TMEM19: variants seen among roughly 807,000 people sequenced by gnomAD.
The protein encoded by TMEM19 is transmembrane protein 19.
In TMEM19, 21 loss-of-function variants were observed where a neutral mutation model predicts 33.6. That is an observed-to-expected ratio of 0.62 (90% CI 0.44 to 0.90). The LOEUF (loss-of-function observed/expected upper bound fraction) is 0.90, where lower values mean the gene tolerates loss of function less well. Ranked by LOEUF, TMEM19 falls within the 40% of genes least tolerant of loss-of-function variation. TMEM19 has a pLI of 0.00. For missense variants in TMEM19, 402 were observed against 401.8 expected, an observed-to-expected ratio of 1.00 and a Z score of 0.00; for synonymous variants, 149 against 147.5, an observed-to-expected ratio of 1.01 and a Z score of -0.07.
At chr12:71,693,915 TCC>T (rs2137595144) in intron 2 of TMEM19, among the ~76,000 whole-genome samples, 1 of 152,322 alleles carries the variant, frequency 6.6e-6, no homozygotes, top group South Asian at 2.1e-4. Flanking sequence ...TTGTGAGGCC[TCC>T]CCAGCCATGT....
intron 2 of TMEM19, among the ~76,000 whole-genome samples, chr12:71,694,914 A>C (rs1881844778): frequency 6.6e-6 from 1 of 151,946 alleles, no homozygotes; most frequent in Non-Finnish European, 1.5e-5. Context: ...GTATAACTCT[A>C]CTCCCATTGT....
rs143582784 is a variant in TMEM19 at position 71,700,115 on chromosome 12, C to T, written c.848-717C>T. On this transcript the variant is annotated intron_variant, in intron 5 of 5. Coordinates refer to ENST00000266673, the MANE Select transcript of TMEM19 (RefSeq NM_018279.4). ...ATGTGCCCTTCCTCCCCCTCTCCAT[C>T]AGTCAGAATATTTGTTCTCCATTTT... 5.0e-3 allele frequency among the ~76,000 whole-genome samples: 759 copies of T among 152,304 alleles called. 2 individuals are homozygous for T. The highest frequency in any genetic ancestry group is 0.017 in the African/African-American group (722 of 41,554).
intron 4 of TMEM19, among the ~76,000 whole-genome samples, chr12:71,698,053 C>G (rs1466463408): frequency 6.6e-6 from 1 of 152,178 alleles, no homozygotes; most frequent in Non-Finnish European, 1.5e-5. Context: ...ACTGTTAAGT[C>G]TATATAATGC....
Position 71,704,075 on chromosome 12 carries a change from TATC to T in TMEM19, c.*3083_*3085del, listed in dbSNP as rs1592625006. 2.4e-6 allele frequency: 1 copy of T among 424,112 alleles called. No individual in the cohort carries two copies. The highest frequency in any genetic ancestry group is 1.7e-5 in the South Asian group (1 of 59,378). The allele number at this position is 424,112 out of a possible 1,614,324, so 26.3% of individuals were successfully genotyped here. On this transcript the variant is annotated 3_prime_UTR_variant, in exon 6 of 6. Transcript: ENST00000266673. ...AGCAGCATAAAGGTGTACTGTTTCT[TATC>T]ATACTGTTCCATGATAGAAGAGAGC...
chr12:71,703,744 C>A lies in TMEM19; in HGVS notation c.*2749C>A, dbSNP rs1018714814. On this transcript the variant is annotated 3_prime_UTR_variant, in exon 6 of 6. Transcript: ENST00000266673. ...TATTTTTGTGGTGATTTATGAACAT[C>A]CCCACTAAGTATAACTAAAGATCAT... The A allele has an allele frequency of 1.0e-5, 2 of 191,768 alleles. No individual in the cohort carries two copies. Among genetic ancestry groups the A allele is most frequent in the East Asian group, 1.3e-4 (1 of 7,956 alleles). The allele number at this position is 191,768 out of a possible 1,614,324, so 11.9% of individuals were successfully genotyped here.
At chr12:71,697,750 A>G (rs1881900515) in intron 4 of TMEM19, among the ~76,000 whole-genome samples, 1 of 152,352 alleles carries the variant, frequency 6.6e-6, no homozygotes. Context: ...CAAGACCTAG[A>G]TAAGCAATAC....
intron 2 of TMEM19, among the ~76,000 whole-genome samples, chr12:71,692,543 C>T (rs1054328518): frequency 4.6e-5 from 7 of 152,176 alleles, no homozygotes; most frequent in Admixed American, 4.6e-4. Context: ...TTGCTGCCAG[C>T]CCTTAGAGTT....
chr12:71,699,004 T>G lies in TMEM19; in HGVS notation c.742T>G (p.Leu248Val). 2 of 1,614,142 alleles carry G rather than the reference T, an allele frequency of 1.2e-6. No homozygotes were observed. The highest frequency in any genetic ancestry group is 1.7e-6 in the Non-Finnish European group (2 of 1,180,032). Residue 248 changes from leucine (L) to valine (V), a missense_variant, in exon 5 of 6, where the codon TTA becomes GTA. Transcript: ENST00000266673. ...CACACAGCTGATTTTTGTGAATGAT[T>G]TAGACATTTCTGCCCCGCAGTGGCC... Reference protein sequence around the residue: ...FLTQLIFVNDLDISAPQWPII... With the variant: ...FLTQLIFVNDVDISAPQWPII...
In TMEM19 at chr12:71,697,353, A is replaced by G. The variant is rs1226948765; in HGVS notation, c.456A>G (p.Ile152Met). ...VPTELALLYMIENGPGEIPVD... is the reference protein window; with the variant it reads ...VPTELALLYMMENGPGEIPVD... ...CAGAACTGGCCCTGCTGTACATGAT[A>G]GAAAATGGCCCCGGGGAAATCCCAG... Residue 152 changes from isoleucine to methionine, a missense_variant, in exon 4 of 6, where the codon ATA becomes ATG. Physicochemically the swap from Ile to Met is conservative, Grantham distance 10. Transcript: ENST00000266673. 1 of 1,611,852 alleles carries G rather than the reference A, an allele frequency of 6.2e-7. No homozygotes were observed. The highest frequency in any genetic ancestry group is 8.5e-7 in the Non-Finnish European group (1 of 1,179,210).
intron 2 of TMEM19, among the ~76,000 whole-genome samples, chr12:71,695,529 A>G (rs531667138): frequency 6.6e-6 from 1 of 152,358 alleles, no homozygotes; most frequent in Non-Finnish European, 1.5e-5. Context: ...TCAGTTGAAA[A>G]AACTTAAAGG....
At chr12:71,692,944 C>A (rs1177388084) in intron 2 of TMEM19, among the ~76,000 whole-genome samples, 1 of 151,808 alleles carries the variant, frequency 6.6e-6, no homozygotes, top group African/African-American at 2.4e-5. Flanking sequence ...CCTGTAATCC[C>A]AAAACTTAGG....
rs1461694130 is a variant in TMEM19 at position 71,686,439 on chromosome 12, C to T, written c.-242C>T. ...GCAGCCGGCGACCGGCCCTCACCGTCCGCCGGGTTGCGCTCTGCTTTTGCG... is the reference window on the plus strand; with the variant it reads ...GCAGCCGGCGACCGGCCCTCACCGTTCGCCGGGTTGCGCTCTGCTTTTGCG... On this transcript the variant is annotated 5_prime_UTR_variant, in exon 1 of 6. Transcript: ENST00000266673. The T allele has an allele frequency of 2.7e-6, 1 of 369,598 alleles. No homozygotes were observed. Among genetic ancestry groups the T allele is most frequent in the African/African-American group, 2.2e-5 (1 of 45,624 alleles). The allele number at this position is 369,598 out of a possible 1,614,324, so 22.9% of individuals were successfully genotyped here.
chr12:71,698,259 A>G (rs898684172), intron 4 of TMEM19, among the ~76,000 whole-genome samples: 2 of 151,130 alleles, frequency 1.3e-5, no homozygotes, highest in Admixed American at 6.6e-5. Flanking sequence ...CCTCTTCTTC[A>G]TCATCATTGT....
In TMEM19 at chr12:71,686,381, C is replaced by T. The variant is rs956525258; in HGVS notation, c.-300C>T. On this transcript the variant is annotated 5_prime_UTR_variant, in exon 1 of 6. Transcript: ENST00000266673. The stretch of plus-strand genomic sequence containing the variant: ...GGCTGCCTCGGCTTTCTCTTTTCCC[C>T]GTGGGCTCCGGCGTGAGGCGCTGAA... 2 of 280,610 alleles carry T rather than the reference C, an allele frequency of 7.1e-6. No individual in the cohort carries two copies. Among genetic ancestry groups the T allele is most frequent in the Middle Eastern group, 1.1e-3 (1 of 878 alleles). The allele number at this position is 280,610 out of a possible 1,614,324, so 17.4% of individuals were successfully genotyped here.
At chr12:71,695,504 G>T (rs1239671441) in intron 2 of TMEM19, among the ~76,000 whole-genome samples, 5 of 152,090 alleles carry the variant, frequency 3.3e-5, no homozygotes, top group Non-Finnish European at 4.4e-5. Flanking sequence ...TACAACTTTT[G>T]TAATGTTTTA....
chr12:71,686,843 A>C, intron 1 of TMEM19, 33 bp downstream of exon 1: 1 of 1,572,200 alleles, frequency 6.4e-7, no homozygotes, highest in East Asian at 2.3e-5. Context: ...GTTTCTCTGT[A>C]ATCTAGTCAG....
intron 2 of TMEM19, among the ~76,000 whole-genome samples, chr12:71,691,625 AAAAAAAAAAAAAATT>A (rs1881787898): frequency 7.3e-6 from 1 of 137,144 alleles, no homozygotes; most frequent in Non-Finnish European, 1.5e-5. Context: ...AAAAAAAAAA[AAAAAAAAAAAAAATT>A]AGCCTGGCGT....
rs1243082847 is a variant in TMEM19 at position 71,704,355 on chromosome 12, G to A, written c.*3360G>A. 1.9e-5 allele frequency: 3 copies of A among 154,756 alleles called. No individual in the cohort carries two copies. The highest frequency in any genetic ancestry group is 4.3e-5 in the Non-Finnish European group (3 of 69,586). The allele number at this position is 154,756 out of a possible 1,614,324, so 9.6% of individuals were successfully genotyped here. ...GATAAAGGACTAGTATAGAGAAAAA[G>A]CATGTGAAATGATGTTTTAAACTTT... On this transcript the variant is annotated 3_prime_UTR_variant, in exon 6 of 6. Coordinates refer to ENST00000266673, the MANE Select transcript of TMEM19 (RefSeq NM_018279.4).
intron 4 of TMEM19, among the ~76,000 whole-genome samples, chr12:71,698,589 C>T (rs931377178): frequency 8.4e-6 from 1 of 118,430 alleles, no homozygotes; most frequent in African/African-American, 3.3e-5. Flanking sequence ...GTTGATAGAG[C>T]AAAACCTTGT....
Sources: gnomAD v4.1 joint callset for allele counts (sites outside exome capture counted in the v4.1 genomes callset) on GRCh38, gnomAD v4.1.1 for gene constraint, MANE v1.5 for transcripts, NCBI Gene and HGNC (gene_info 2026-07-23, HGNC 2026-07-21) for gene names.